The following CSGALNACT1 variants were observed in gnomAD, a reference collection of about 807,000 sequenced individuals.
The protein encoded by CSGALNACT1 is beta4GalNAcT-1.
Under a neutral mutation model 51.0 loss-of-function variants are expected in CSGALNACT1, and 52 were observed. That is an observed-to-expected ratio of 1.02 (90% confidence interval 0.82 to 1.29). The LOEUF (loss-of-function observed/expected upper bound fraction) is 1.29, where lower values mean the gene tolerates loss of function less well. Ranked by LOEUF, CSGALNACT1 falls within the 50% of genes most tolerant of loss-of-function variation. The pLI is 0.00. For missense variants in CSGALNACT1, 935 were observed against 679.2 expected, an observed-to-expected ratio of 1.38 and a Z score of -4.19; for synonymous variants, 341 against 254.4, an observed-to-expected ratio of 1.34 and a Z score of -3.24.
At chr8:19,678,218 C>T (rs929198356) in intron 1 of CSGALNACT1, among the ~76,000 whole-genome samples, 9 of 152,146 alleles carry the variant, frequency 5.9e-5, no homozygotes, top group Non-Finnish European at 1.0e-4. Context: ...TCACTATTAA[C>T]CTTAACACTC....
chr8:19,697,631 T>C (rs1345121159), intron 1 of CSGALNACT1, among the ~76,000 whole-genome samples: 1 of 152,060 alleles, frequency 6.6e-6, no homozygotes, highest in African/African-American at 2.4e-5. Context: ...AGCCCCCCTG[T>C]ACAAGGTACC....
chr8:19,650,158 A>G (rs1441911458), intron 1 of CSGALNACT1, among the ~76,000 whole-genome samples: 1 of 152,168 alleles, frequency 6.6e-6, no homozygotes, highest in Non-Finnish European at 1.5e-5. Flanking sequence ...CTCCTGTTGG[A>G]GAGATGACAT....
exon 10 of CSGALNACT1, chr8:19,404,466 A>T (rs769447265): frequency 2.0e-5 from 9 of 453,562 alleles, no homozygotes; most frequent in South Asian, 1.4e-4. Flanking sequence ...AATAAAATGC[A>T]ATTTTCAGAA....
chr8:19,747,043 T>A (rs2064716771), intron 1 of CSGALNACT1, among the ~76,000 whole-genome samples: 1 of 152,160 alleles, frequency 6.6e-6, no homozygotes, highest in Non-Finnish European at 1.5e-5. Context: ...AAGCCCCTCC[T>A]CATGCTTTCA....
intron 9 of CSGALNACT1, among the ~76,000 whole-genome samples, chr8:19,407,369 G>T (rs948067783): frequency 6.6e-6 from 1 of 152,086 alleles, no homozygotes; most frequent in African/African-American, 2.4e-5. Context: ...AGCAGCTCGT[G>T]GGGAGCCTGG....
chr8:19,601,774 G>C, exon 2 of CSGALNACT1: 2 of 453,252 alleles, frequency 4.4e-6, no homozygotes, highest in South Asian at 3.1e-5. Context: ...CACTTACCTG[G>C]GGGTTCAAGA....
chr8:19,682,942 C>T (rs964940797), upstream of CSGALNACT1: 9 of 314,026 alleles, frequency 2.9e-5, no homozygotes, highest in Non-Finnish European at 4.5e-5. Context: ...ACTTATCCAT[C>T]GCTAGTTCAC....
At chr8:19,733,512 CTG>C (rs1025255839) in intron 1 of CSGALNACT1, among the ~76,000 whole-genome samples, 1 of 152,032 alleles carries the variant, frequency 6.6e-6, no homozygotes, top group African/African-American at 2.4e-5. Context: ...GAGCCAGCAG[CTG>C]TGTGACATAT....
rs2052471206 is a variant in CSGALNACT1, at chr8:19,612,930, A to G, written c.-543-11065T>C. Among the ~76,000 whole-genome samples the G allele has an allele frequency of 2.2e-5, 3 of 139,514 alleles. 1 individual carries two copies. The South Asian group carries it at 7.9e-4, about 37-fold the overall frequency. 91.5% of individuals were successfully genotyped at this position (139,514 alleles called of 152,430 possible). On this transcript the variant is annotated intron_variant, in intron 1 of 9. Coordinates refer to the CSGALNACT1 transcript ENST00000332246. ...ACCTTCTCCTTTATCACAAAAGAAG[A>G]GAGGAAAAGCAGCTGGAAAAAAAAA... is the stretch of plus-strand genomic sequence containing the variant.
intron 6 of CSGALNACT1, among the ~76,000 whole-genome samples, chr8:19,434,160 T>C (rs549156329): frequency 6.6e-6 from 1 of 152,354 alleles, no homozygotes; most frequent in South Asian, 2.1e-4. Flanking sequence ...ATTTTCTTAC[T>C]GCTTTTGTAG....
intron 6 of CSGALNACT1, among the ~76,000 whole-genome samples, chr8:19,427,021 A>G (rs551869812): frequency 1.3e-5 from 2 of 152,346 alleles, no homozygotes; most frequent in East Asian, 1.9e-4. Flanking sequence ...TATGAGCTCT[A>G]CTTCTTGAAG....
intron 4 of CSGALNACT1, among the ~76,000 whole-genome samples, chr8:19,488,366 T>TATAC: frequency 1.1e-5 from 1 of 89,460 alleles, no homozygotes; most frequent in Non-Finnish European, 2.1e-5. Context: ...TATATTTATA[T>TATAC]ATACATATAT....
At chr8:19,645,335 A>C (rs1301154331) in intron 1 of CSGALNACT1, among the ~76,000 whole-genome samples, 1 of 152,224 alleles carries the variant, frequency 6.6e-6, no homozygotes, top group East Asian at 1.9e-4. Context: ...AGACATGGAG[A>C]ATACTGTCCA....
chr8:19,667,013 AAGAAAGG>A (rs1564386242), intron 1 of CSGALNACT1, among the ~76,000 whole-genome samples: 1 of 40,584 alleles, frequency 2.5e-5, no homozygotes, highest in Non-Finnish European at 4.7e-5. Context: ...GAAAGAAAGA[AAGAAAGG>A]AAGGAAGGAA....
intron 6 of CSGALNACT1, among the ~76,000 whole-genome samples, chr8:19,433,845 A>G (rs908133179): frequency 2.0e-5 from 3 of 152,198 alleles, no homozygotes; most frequent in Admixed American, 6.5e-5. Context: ...GCCCAACACA[A>G]TTCTTCTTAT....
chr8:19,688,957 T>A (rs549748259), intron 1 of CSGALNACT1: 2 of 152,392 alleles, frequency 1.3e-5, no homozygotes, highest in African/African-American at 4.8e-5. Flanking sequence ...CACGTAATTA[T>A]GGATAACAGT....
chr8:19,718,497 G>A (rs1000557588), intron 1 of CSGALNACT1, among the ~76,000 whole-genome samples: 1 of 152,162 alleles, frequency 6.6e-6, no homozygotes, highest in Admixed American at 6.5e-5. Flanking sequence ...AAAACGCACA[G>A]TTGCAGCAAG....
chr8:19,552,794 C>T (rs752690229), intron 3 of CSGALNACT1, among the ~76,000 whole-genome samples: 10 of 152,150 alleles, frequency 6.6e-5, no homozygotes, highest in Non-Finnish European at 1.3e-4. Flanking sequence ...TGTAGCTAAA[C>T]AGAATGCTTA....
In CSGALNACT1 at chr8:19,512,143, GC is replaced by G. The variant is rs568624820; in HGVS notation, c.-296-6014del. On this transcript the variant is annotated intron_variant, in intron 3 of 9. Transcript: ENST00000454498. ...TGAGATTAAGTTGTAAAAGGGGGCA[GC>G]TTCTGTCTTGGGTGCCCTCTCTCCC... is the stretch of plus-strand genomic sequence containing the variant. Among the ~76,000 whole-genome samples, 143 of 152,308 alleles carry G rather than the reference GC, an allele frequency of 9.4e-4. 1 individual carries two copies. The highest frequency in any genetic ancestry group is 6.8e-3 in the Middle Eastern group (2 of 294).
Sources: gnomAD v4.1 joint callset for allele counts (sites outside exome capture counted in the v4.1 genomes callset) on GRCh38, gnomAD v4.1.1 for gene constraint, MANE v1.5 for transcripts, NCBI Gene and HGNC (gene_info 2026-07-23, HGNC 2026-07-21) for gene names.